The following SPACA1 variants were observed in gnomAD, a reference collection of about 807,000 sequenced individuals.
The protein encoded by SPACA1 is sperm acrosome membrane-associated protein 1.
SPACA1 carries 17 observed loss-of-function variants against 32.6 expected under a neutral mutation model. That is an observed-to-expected ratio of 0.52 (90% confidence interval 0.36 to 0.78). The LOEUF is 0.78. SPACA1 is among the 30% of genes least tolerant of loss of function. The pLI is 0.01. For missense variants in SPACA1, 363 were observed against 373.4 expected, an observed-to-expected ratio of 0.97 and a Z score of 0.23; for synonymous variants, 140 against 138.1, an observed-to-expected ratio of 1.01 and a Z score of -0.10.
upstream of SPACA1, among the ~76,000 whole-genome samples, chr6:88,047,007 T>C (rs1205970282): frequency 2.0e-5 from 3 of 152,168 alleles, no homozygotes; most frequent in African/African-American, 7.2e-5. Flanking sequence ...TATGGCACCC[T>C]ATATGTCTTT....
upstream of SPACA1, among the ~76,000 whole-genome samples, chr6:88,047,626 G>A (rs1237123426): frequency 6.6e-6 from 1 of 152,216 alleles, no homozygotes; most frequent in Non-Finnish European, 1.5e-5. Context: ...CCCTGGGCAG[G>A]GAACTTCCGG....
At chr6:88,056,298 G>T (rs1319867073) in intron 2 of SPACA1, among the ~76,000 whole-genome samples, 1 of 152,196 alleles carries the variant, frequency 6.6e-6, no homozygotes, top group African/African-American at 2.4e-5. Flanking sequence ...AGGTTGCAGT[G>T]AGCTGAGATC....
chr6:88,049,829 A>C (rs1343297436), intron 1 of SPACA1, among the ~76,000 whole-genome samples: 2 of 152,202 alleles, frequency 1.3e-5, no homozygotes, highest in African/African-American at 4.8e-5. Context: ...CCTGGAATGC[A>C]TTCATCATGT....
Position 88,064,368 on chromosome 6 carries a change from C to G in SPACA1, c.731+149C>G, listed in dbSNP as rs1387525483. 5 of 641,770 alleles carry G rather than the reference C, an allele frequency of 7.8e-6. No homozygotes were observed. The East Asian group carries it at 1.3e-4, about 16-fold the overall frequency. 39.8% of individuals were successfully genotyped at this position (641,770 alleles called of 1,614,324 possible). On this transcript the variant is annotated intron_variant, in intron 6 of 6. Transcript: ENST00000237201. ...GCCTTTCATTACTCCTGTGACTGCC[C>G]TAGTTCAGGCTGCCCCGTCTCTTTA...
rs555232667 is a variant in SPACA1, at chr6:88,052,869, C to T, written c.209-1077C>T. Reference sequence around the variant, plus strand: ...AAAACAAAAAACTATATTTGGTGCTCTTAAGTACAGAATAGTAGTGTTTAT... The same window carrying T: ...AAAACAAAAAACTATATTTGGTGCTTTTAAGTACAGAATAGTAGTGTTTAT... On this transcript the variant is annotated intron_variant, in intron 1 of 6. Coordinates refer to ENST00000237201, the MANE Select transcript of SPACA1 (RefSeq NM_030960.3). 4.9e-4 allele frequency among the ~76,000 whole-genome samples: 75 copies of T among 152,094 alleles called. 1 individual carries two copies. Among genetic ancestry groups the T allele is most frequent in the Non-Finnish European group, 9.3e-4 (63 of 67,980 alleles).
intron 2 of SPACA1, among the ~76,000 whole-genome samples, chr6:88,054,767 A>T (rs1454296644): frequency 6.6e-6 from 1 of 152,188 alleles, no homozygotes; most frequent in Non-Finnish European, 1.5e-5. Context: ...GCGGTGTCAA[A>T]AATTACACCT....
intron 2 of SPACA1, among the ~76,000 whole-genome samples, chr6:88,055,235 G>A (rs966385787): frequency 2.6e-5 from 4 of 152,094 alleles, no homozygotes; most frequent in Non-Finnish European, 5.9e-5. Context: ...TTAAAGACAA[G>A]TTTAGAAATT....
chr6:88,051,357 G>C (rs993066759), intron 1 of SPACA1, among the ~76,000 whole-genome samples: 7 of 152,040 alleles, frequency 4.6e-5, no homozygotes, highest in Admixed American at 3.9e-4. Flanking sequence ...TGTTATTTTT[G>C]TCTTGGAATA....
At chr6:88,061,931 C>A (rs1775904135) in intron 5 of SPACA1, among the ~76,000 whole-genome samples, 1 of 152,078 alleles carries the variant, frequency 6.6e-6, no homozygotes, top group Non-Finnish European at 1.5e-5. Flanking sequence ...TAAATAAAAT[C>A]TTCATGCCCC....
At chr6:88,059,056 A>G (rs1341250036) in intron 4 of SPACA1, among the ~76,000 whole-genome samples, 1 of 152,242 alleles carries the variant, frequency 6.6e-6, no homozygotes, top group African/African-American at 2.4e-5. Context: ...TATTTTACAC[A>G]AAGTATTCCA....
At chr6:88,056,556 T>C (rs1389191205) in intron 2 of SPACA1, among the ~76,000 whole-genome samples, 1 of 152,156 alleles carries the variant, frequency 6.6e-6, no homozygotes, top group African/African-American at 2.4e-5. Flanking sequence ...CTCAAACCCA[T>C]TCAAGAACAG....
chr6:88,053,552 G>A (rs2127798817), intron 1 of SPACA1, among the ~76,000 whole-genome samples: 1 of 152,192 alleles, frequency 6.6e-6, no homozygotes, highest in South Asian at 2.1e-4. Flanking sequence ...CTTTTTGAAT[G>A]GAAATTATAC....
At chr6:88,061,031 T>C (rs1013129166) in intron 5 of SPACA1, among the ~76,000 whole-genome samples, 2 of 152,250 alleles carry the variant, frequency 1.3e-5, no homozygotes, top group Non-Finnish European at 2.9e-5. Flanking sequence ...CAGTATCTAC[T>C]AATTTCTTTA....
chr6:88,057,645 G>T lies in SPACA1; in HGVS notation c.299G>T (p.Gly100Val), dbSNP rs765093783. 3.1e-6 allele frequency: 5 copies of T among 1,613,916 alleles called. No individual in the cohort carries two copies. In the Admixed American group the frequency reaches 8.3e-5, roughly 27 times the overall value. The change falls in exon 3 of 7, where the codon GGA becomes GTA. Residue 100 changes from glycine (G) to valine (V), a missense_variant. Transcript: ENST00000237201. ...IGVREVILTN[G>V]CPGGESKCVV... ...GTTAGAGAAGTTATATTAACAAATG[G>T]ATGCCCTGGTGGTGAATCCAAGTGT...
At chr6:88,062,050 A>G (rs149246914) in intron 5 of SPACA1, among the ~76,000 whole-genome samples, 3 of 152,192 alleles carry the variant, frequency 2.0e-5, no homozygotes, top group Non-Finnish European at 4.4e-5. Flanking sequence ...TTAAGTTTCC[A>G]AAATGCCACC....
upstream of SPACA1, among the ~76,000 whole-genome samples, chr6:88,047,576 G>A (rs190381314): frequency 1.6e-3 from 245 of 152,332 alleles, 1 homozygote; most frequent in African/African-American, 5.7e-3. Context: ...AGGAGCAGCC[G>A]ACAGCAACGC....
rs577742847 is a variant in SPACA1, at chr6:88,066,345, GAT to G, written c.*16_*17del. 1.4e-3 allele frequency: 2,269 copies of G among 1,597,878 alleles called. 1 individual carries two copies. The highest frequency in any genetic ancestry group is 5.3e-3 in the Middle Eastern group (32 of 5,986). On this transcript the variant is annotated 3_prime_UTR_variant, in exon 7 of 7. Coordinates refer to ENST00000237201, the MANE Select transcript of SPACA1 (RefSeq NM_030960.3). ...TGAATGGAATGAATGATGTTTGAAT[GAT>G]ATATAACAAACCAAAGGATATTACA... is the stretch of plus-strand genomic sequence containing the variant.
At chr6:88,065,291 C>T (rs1234222470) in intron 6 of SPACA1, among the ~76,000 whole-genome samples, 3 of 147,524 alleles carry the variant, frequency 2.0e-5, no homozygotes, top group Non-Finnish European at 4.5e-5. Flanking sequence ...ATGAAAAACA[C>T]TTATTAGAGA....
Position 88,057,596 on chromosome 6 carries a change from A to C in SPACA1, c.266-16A>C. On this transcript the variant is annotated splice_polypyrimidine_tract_variant and intron_variant, in intron 2 of 6. Transcript: ENST00000237201. ...TTTTTTTCTTAACATTTGCCTTTTT[A>C]AATTTTAAACCAAAGGTATTGGTGT... 1 of 1,596,290 alleles carries C rather than the reference A, an allele frequency of 6.3e-7. No homozygotes were observed. The highest frequency in any genetic ancestry group is 8.6e-7 in the Non-Finnish European group (1 of 1,164,078).
Sources: allele counts gnomAD v4.1 joint callset (sites outside exome capture counted in the v4.1 genomes callset), GRCh38; gene constraint gnomAD v4.1.1; transcripts MANE v1.5; gene names NCBI Gene and HGNC (gene_info 2026-07-23, HGNC 2026-07-21).